SMAD7: variants seen among roughly 807,000 people sequenced by gnomAD.
SMAD7 encodes SMAD family member 7.
Under a neutral mutation model 38.7 loss-of-function variants are expected in SMAD7, and 8 were observed. The ratio of observed to expected loss-of-function variants is 0.21; its 90% CI spans 0.12 to 0.37. The LOEUF (loss-of-function observed/expected upper bound fraction) is 0.37. SMAD7 is among the 10% of genes least tolerant of loss of function. SMAD7 has a pLI of 1.00. For missense variants in SMAD7, 477 were observed against 577.9 expected, an observed-to-expected ratio of 0.83 and a Z score of 1.79; for synonymous variants, 327 against 265.1, an observed-to-expected ratio of 1.23 and a Z score of -2.27.
intron 2 of SMAD7, among the ~76,000 whole-genome samples, chr18:48,943,939 G>A (rs1029773443): frequency 1.3e-5 from 2 of 152,200 alleles, no homozygotes; most frequent in Non-Finnish European, 1.5e-5. Context: ...CTAAGCGGGC[G>A]AGGGGCAGAA....
chr18:48,945,819 C>G (rs921644012), intron 2 of SMAD7, among the ~76,000 whole-genome samples: 13 of 152,112 alleles, frequency 8.5e-5, no homozygotes, highest in Non-Finnish European at 1.8e-4. Flanking sequence ...GGAAGCAGAG[C>G]CCACACAGCT....
chr18:48,931,312 T>C (rs1159529324), intron 3 of SMAD7, among the ~76,000 whole-genome samples: 1 of 152,174 alleles, frequency 6.6e-6, no homozygotes, highest in East Asian at 1.9e-4. Context: ...ATATGGTATA[T>C]TTTATGTATA....
chr18:48,921,279 C>T lies in SMAD7; in HGVS notation c.*93G>A, dbSNP rs951470175. On this transcript the variant is annotated 3_prime_UTR_variant, in exon 4 of 4. Transcript: ENST00000262158. The surrounding 1 kb of genome is among the most constrained non-coding windows in gnomAD (Gnocchi z 6.4). The stretch of plus-strand genomic sequence containing the variant: ...AAAAAAAAAACGACCAAAGAGTTTG[C>T]ATGAAAAGCAAGCACTCAGGAGGAA... The T allele has an allele frequency of 7.1e-6, 8 of 1,127,190 alleles. No homozygotes were observed. The highest frequency in any genetic ancestry group is 1.0e-5 in the Non-Finnish European group (8 of 800,206). The allele number at this position is 1,127,190 out of a possible 1,614,324, so 69.8% of individuals were successfully genotyped here.
chr18:48,941,579 G>A (rs1599232708), intron 3 of SMAD7, among the ~76,000 whole-genome samples: 1 of 152,198 alleles, frequency 6.6e-6, no homozygotes, highest in East Asian at 1.9e-4. Context: ...TACAGGCAAG[G>A]AAATGCCAAA....
intron 3 of SMAD7, among the ~76,000 whole-genome samples, chr18:48,940,768 C>T (rs1367887809): frequency 6.7e-6 from 1 of 150,076 alleles, no homozygotes; most frequent in Non-Finnish European, 1.5e-5. Flanking sequence ...CGAAATCGCG[C>T]CACTGCACTC....
chr18:48,935,317 G>A (rs1482110439), intron 3 of SMAD7, among the ~76,000 whole-genome samples: 5 of 152,220 alleles, frequency 3.3e-5, no homozygotes, highest in Admixed American at 6.5e-5. Flanking sequence ...AAAATAGCCC[G>A]GAGAGGAAGC....
rs868118659 is a variant in SMAD7 at position 48,950,165 on chromosome 18, C to T, written c.260G>A (p.Gly87Asp). 1.3e-6 allele frequency: 2 copies of T among 1,486,994 alleles called. No homozygotes were observed. The highest frequency in any genetic ancestry group is 8.9e-7 in the Non-Finnish European group (1 of 1,124,376). 92.1% of individuals were successfully genotyped at this position (1,486,994 alleles called of 1,614,324 possible). Residue 87 changes from glycine (G) to aspartate (D), a missense_variant, in exon 1 of 4, where the codon GGC (glycine) becomes GAC (aspartate). Transcript: ENST00000262158. ...PPAAGAGAAGGAEADLKALTH... is the reference protein window; with the variant it reads ...PPAAGAGAAGDAEADLKALTH... ...GAGCGCCTTCAGATCCGCCTCGGCG[C>T]CCCCGGCCGCGCCGGCGCCCGCGGC...
chr18:48,927,986 G>A (rs1272570654), intron 3 of SMAD7, among the ~76,000 whole-genome samples: 1 of 152,174 alleles, frequency 6.6e-6, no homozygotes, highest in African/African-American at 2.4e-5. Flanking sequence ...TGTGGACACA[G>A]GCCTCTAAAG....
intron 3 of SMAD7, among the ~76,000 whole-genome samples, chr18:48,935,850 G>A (rs372164876): frequency 3.3e-5 from 5 of 152,076 alleles, no homozygotes; most frequent in African/African-American, 1.2e-4. Context: ...AGGCTAAGTC[G>A]GGAGGATCAC....
chr18:48,939,024 G>C (rs981183685), intron 3 of SMAD7, among the ~76,000 whole-genome samples: 2 of 152,054 alleles, frequency 1.3e-5, no homozygotes, highest in Non-Finnish European at 2.9e-5. Flanking sequence ...TGGAGAGGCC[G>C]CCCTGACATC....
Position 48,921,706 on chromosome 18 carries a change from T to C in SMAD7, c.947A>G (p.Lys316Arg). The C allele has an allele frequency of 6.2e-7, 1 of 1,614,086 alleles. No homozygotes were observed. The highest frequency in any genetic ancestry group is 8.5e-7 in the Non-Finnish European group (1 of 1,179,990). ...KSQLVQKVRS[K>R]IGCGIQLTRE... is the part of the protein sequence containing the mutation. ...CGTCAGCTGGATGCCGCAGCCGATTTTGCTCCGCACCTTCTGCACCAGCTG... is the reference window on the plus strand; with the variant it reads ...CGTCAGCTGGATGCCGCAGCCGATTCTGCTCCGCACCTTCTGCACCAGCTG... Residue 316 changes from lysine (K) to arginine (R), a missense_variant, in exon 4 of 4, where the codon AAA (lysine) becomes AGA (arginine). Physicochemically the swap from Lys to Arg is conservative, Grantham distance 26. This residue lies in a region of SMAD7 where 101 missense variants were observed against 198.5 expected (regional missense o/e 0.51). Coordinates refer to ENST00000262158, the MANE Select transcript of SMAD7 (RefSeq NM_005904.4). The surrounding 1 kb of genome is among the most constrained non-coding windows in gnomAD (Gnocchi z 6.4).
At chr18:48,923,511 G>T (rs1234451048) in intron 3 of SMAD7, among the ~76,000 whole-genome samples, 1 of 152,122 alleles carries the variant, frequency 6.6e-6, no homozygotes, top group Non-Finnish European at 1.5e-5. Context: ...AGCCAGTGTT[G>T]GATGGAGGTG....
intron 3 of SMAD7, among the ~76,000 whole-genome samples, chr18:48,935,597 C>T (rs575661551): frequency 2.0e-5 from 3 of 152,270 alleles, no homozygotes; most frequent in Admixed American, 6.5e-5. Context: ...CATCCTGGTT[C>T]GCAGTCACTG....
chr18:48,949,475 T>A, intron 1 of SMAD7: 1 of 174,594 alleles, frequency 5.7e-6, no homozygotes. Context: ...CACCTCCCTC[T>A]GCACCCCCTT....
Position 48,950,688 on chromosome 18 carries a change from G to GC in SMAD7, c.-265dup, listed in dbSNP as rs983107138. 2.7e-5 allele frequency: 4 copies of GC among 147,694 alleles called. No homozygotes were observed. The highest frequency in any genetic ancestry group is 9.8e-5 in the African/African-American group (4 of 40,904). The allele number at this position is 147,694 out of a possible 1,614,324, so 9.1% of individuals were successfully genotyped here. A position where few individuals can be genotyped will look rare whatever the true frequency, so the allele number is the denominator to read the frequency against. On this transcript the variant is annotated 5_prime_UTR_variant, in exon 1 of 4. Coordinates refer to ENST00000262158, the MANE Select transcript of SMAD7 (RefSeq NM_005904.4). ...CGCTCCGGCTGCCCCACCCCGCGCG[G>GC]CCCGCGCCCTGCGCGGCTCTCCGGC...
intron 2 of SMAD7, among the ~76,000 whole-genome samples, chr18:48,945,586 CA>C: frequency 6.6e-6 from 1 of 152,304 alleles, no homozygotes; most frequent in East Asian, 1.9e-4. Context: ...TCTCTTTCAT[CA>C]TGCTGATTTT....
intron 3 of SMAD7, among the ~76,000 whole-genome samples, chr18:48,927,862 G>A (rs2069947998): frequency 6.6e-6 from 1 of 152,190 alleles, no homozygotes; most frequent in Non-Finnish European, 1.5e-5. Context: ...ACCCTCTGAG[G>A]CTGCATACTA....
In SMAD7 at chr18:48,949,927, C is replaced by T; in HGVS notation, c.498G>A (p.Pro166=). 1.2e-6 allele frequency: 2 copies of T among 1,613,622 alleles called. No individual in the cohort carries two copies. Among genetic ancestry groups the T allele is most frequent in the Non-Finnish European group, 1.7e-6 (2 of 1,179,908 alleles). Residue 166 remains proline, a synonymous_variant, in exon 1 of 4, where the codon CCG becomes CCA. Coordinates refer to ENST00000262158, the MANE Select transcript of SMAD7 (RefSeq NM_005904.4). ...PLLLCKVFRW[P]DLRHSSEVKR... ...TGACTTCCGAGGAATGCCTGAGATC[C>T]GGCCACCTGAACACTTTGCACAGCA...
At chr18:48,927,372 G>T (rs1262498315) in intron 3 of SMAD7, among the ~76,000 whole-genome samples, 1 of 151,928 alleles carries the variant, frequency 6.6e-6, no homozygotes, top group Admixed American at 6.6e-5. Context: ...ACTTGGGGGT[G>T]GGCAGGGGGT....
Sources: allele counts gnomAD v4.1 joint callset (sites outside exome capture counted in the v4.1 genomes callset), GRCh38; gene constraint gnomAD v4.1.1; regional missense constraint gnomAD v4.1.1; non-coding constraint Gnocchi (gnomAD v3.1); transcripts MANE v1.5; gene names NCBI Gene and HGNC (gene_info 2026-07-23, HGNC 2026-07-21).